The following BCCIP variants were observed in gnomAD, a reference collection of about 807,000 sequenced individuals.
BCCIP encodes BRCA2 and CDKN1A-interacting protein.
In BCCIP, 23 loss-of-function variants were observed where a neutral mutation model predicts 32.8. The observed-to-expected ratio is 0.70, with a 90% confidence interval of 0.51 to 0.99. The LOEUF (loss-of-function observed/expected upper bound fraction) is 0.99, where lower values mean the gene tolerates loss of function less well. Ranked by LOEUF, BCCIP falls within the 50% of genes least tolerant of loss-of-function variation. The probability of loss-of-function intolerance (pLI) is 0.00; values close to 1 mark genes in which losing one functional copy is unlikely to be tolerated. For missense variants in BCCIP, 378 were observed against 379.8 expected (o/e 1.00, Z 0.04); for synonymous variants, 144 against 137.6 (o/e 1.05, Z -0.33).
In BCCIP at chr10:125,831,374, A is replaced by C. The variant is rs375856702; in HGVS notation, c.412-46A>C. The C allele has an allele frequency of 7.6e-6, 12 of 1,578,494 alleles. No homozygotes were observed. The Admixed American group carries it at 1.1e-4, about 14-fold the overall frequency. On this transcript the variant is annotated intron_variant, in intron 4 of 6. Coordinates refer to ENST00000278100, the MANE Select transcript of BCCIP (RefSeq NM_078468.3). ...CTTTTACTCTCAGGTTTTGTCCTCT[A>C]TGTGATGGCTTGTAATAGGAAACAA...
intron 4 of BCCIP, 92 bp from the exon 5 acceptor site, chr10:125,831,328 C>A: frequency 2.3e-6 from 3 of 1,287,796 alleles, no homozygotes; most frequent in Non-Finnish European, 3.3e-6. Context: ...CTGCCCTTAG[C>A]TGTAAGATGA....
In BCCIP at chr10:125,836,306, T is replaced by A. The variant is rs745394008; in HGVS notation, c.*32T>A. 4 of 1,612,836 alleles carry A rather than the reference T, an allele frequency of 2.5e-6. No homozygotes were observed. The East Asian group carries it at 6.7e-5, about 27-fold the overall frequency. Reference sequence around the variant, plus strand: ...TCCAATGGACAGTGATGGGCTTGTTTTTGTAAAATTACCAGAAAACTCAGT... The same window carrying A: ...TCCAATGGACAGTGATGGGCTTGTTATTGTAAAATTACCAGAAAACTCAGT... On this transcript the variant is annotated 3_prime_UTR_variant, in exon 7 of 7. Transcript: ENST00000278100.
intron 7 of BCCIP, among the ~76,000 whole-genome samples, chr10:125,849,171 A>G (rs946636863): frequency 2.0e-5 from 3 of 152,238 alleles, no homozygotes; most frequent in African/African-American, 7.2e-5. Context: ...AACAGGTTCC[A>G]TTAAGTTAAA....
downstream of BCCIP, among the ~76,000 whole-genome samples, chr10:125,843,010 T>C (rs1349901628): frequency 2.0e-5 from 3 of 152,018 alleles, no homozygotes; most frequent in African/African-American, 7.2e-5. Context: ...ACCACAATTA[T>C]TTTTGCACCA....
At chr10:125,842,783 TAAAG>T in exon 7 of BCCIP, 2 of 945,074 alleles carry the variant, frequency 2.1e-6, no homozygotes, top group Non-Finnish European at 2.5e-6. Flanking sequence ...CCAGTGCAAA[TAAAG>T]AAATAAAGAT....
downstream of BCCIP, among the ~76,000 whole-genome samples, chr10:125,837,666 C>T (rs1015352633): frequency 2.0e-5 from 3 of 152,198 alleles, no homozygotes; most frequent in Non-Finnish European, 4.4e-5. Context: ...CTCAAGCCAT[C>T]TTCCTCCTGC....
chr10:125,832,204 AT>A (rs538971759), intron 5 of BCCIP, among the ~76,000 whole-genome samples: 288 of 144,828 alleles, frequency 2.0e-3, no homozygotes, highest in Middle Eastern at 3.6e-3. Flanking sequence ...TCTAATTTAA[AT>A]TTTTTTTTTT....
chr10:125,830,352 C>G (rs1448647766), intron 3 of BCCIP, among the ~76,000 whole-genome samples: 1 of 152,172 alleles, frequency 6.6e-6, no homozygotes, highest in Admixed American at 6.5e-5. Context: ...AACAAGGTCA[C>G]ACAGTATTTA....
At chr10:125,838,557 T>G (rs1032933796), downstream of BCCIP, among the ~76,000 whole-genome samples, 2 of 152,230 alleles carry the variant, frequency 1.3e-5, no homozygotes, top group African/African-American at 4.8e-5. Context: ...TAAGCATGTT[T>G]TGCCTAAAAC....
At chr10:125,831,784 C>A (rs1854526038) in intron 5 of BCCIP, 177 bp downstream of exon 5, 1 of 481,984 alleles carries the variant, frequency 2.1e-6, no homozygotes. Flanking sequence ...TAACAACTGG[C>A]TTTTTGAAGA....
At chr10:125,830,293 A>G (rs536522221) in intron 3 of BCCIP, among the ~76,000 whole-genome samples, 38 of 152,232 alleles carry the variant, frequency 2.5e-4, no homozygotes, top group Non-Finnish European at 4.6e-4. Flanking sequence ...AGAAATTTCA[A>G]TCTGTTCAGA....
At chr10:125,831,207 A>G (rs1854513400) in intron 4 of BCCIP, among the ~76,000 whole-genome samples, 1 of 151,864 alleles carries the variant, frequency 6.6e-6, no homozygotes, top group Non-Finnish European at 1.5e-5. Context: ...GTTAATTATG[A>G]CTCTCTTACC....
chr10:125,829,737 T>C (rs1854480457), intron 3 of BCCIP, among the ~76,000 whole-genome samples: 1 of 152,266 alleles, frequency 6.6e-6, no homozygotes, highest in Non-Finnish European at 1.5e-5. Context: ...CAAATAAATG[T>C]GATCTCTAGC....
At chr10:125,853,313 A>T (rs1266308609) in exon 8 of BCCIP, 1 of 849,688 alleles carries the variant, frequency 1.2e-6, no homozygotes. Flanking sequence ...TAGTAATGGT[A>T]AATTAGTCAA....
chr10:125,831,030 T>G (rs1854509989), intron 4 of BCCIP, among the ~76,000 whole-genome samples: 2 of 152,252 alleles, frequency 1.3e-5, no homozygotes, highest in Non-Finnish European at 1.5e-5. Context: ...GATTCATCTC[T>G]TTTTATTGAT....
chr10:125,828,574 G>A (rs897584217), intron 3 of BCCIP, among the ~76,000 whole-genome samples: 1 of 152,148 alleles, frequency 6.6e-6, no homozygotes, highest in Non-Finnish European at 1.5e-5. Context: ...TGAAGGAGGA[G>A]GGGATGGTCA....
chr10:125,825,996 C>T (rs977887243), intron 1 of BCCIP: 9 of 154,108 alleles, frequency 5.8e-5, no homozygotes, highest in African/African-American at 1.9e-4. Context: ...TGCTGTTTCT[C>T]GGTTTCTTGC....
downstream of BCCIP, chr10:125,836,669 C>T (rs761768015): frequency 1.9e-6 from 3 of 1,612,118 alleles, no homozygotes; most frequent in South Asian, 1.1e-5. Context: ...CCTGCTGCAC[C>T]TTGTGTTTGC....
intron 5 of BCCIP, among the ~76,000 whole-genome samples, chr10:125,832,231 G>A (rs1326067439): frequency 2.0e-5 from 3 of 151,082 alleles, no homozygotes; most frequent in Non-Finnish European, 1.5e-5. Flanking sequence ...GTAGAGACAG[G>A]GTCTTGCTAC....
Sources: gnomAD v4.1 joint callset for allele counts (sites outside exome capture counted in the v4.1 genomes callset) on GRCh38, gnomAD v4.1.1 for gene constraint, MANE v1.5 for transcripts, NCBI Gene and HGNC (gene_info 2026-07-23, HGNC 2026-07-21) for gene names.